Variants in KCNK9 observed in about 807,000 individuals in gnomAD.
KCNK9 encodes potassium channel subfamily K member 9.
KCNK9 carries 1 observed loss-of-function variant against 10.8 expected under a neutral mutation model. The ratio of observed to expected loss-of-function variants is 0.09; its 90% confidence interval spans 0.03 to 0.44. KCNK9 has a LOEUF of 0.44. Among genes scored for constraint, KCNK9 ranks in the 20% least tolerant of loss-of-function variants. KCNK9 has a pLI of 0.97. For missense variants in KCNK9, 303 were observed against 515.0 expected, an observed-to-expected ratio of 0.59 and a Z score of 3.98; for synonymous variants, 231 against 222.7, an observed-to-expected ratio of 1.04 and a Z score of -0.33.
chr8:139,663,816 GACA>G (rs1271569614), intron 1 of KCNK9, among the ~76,000 whole-genome samples: 8 of 152,138 alleles, frequency 5.3e-5, no homozygotes, highest in Non-Finnish European at 1.2e-4. Context: ...AAATGAGAGA[GACA>G]ACATTAGCAA....
At chr8:139,656,031 T>A (rs1017863032) in intron 1 of KCNK9, among the ~76,000 whole-genome samples, 2 of 152,184 alleles carry the variant, frequency 1.3e-5, no homozygotes, top group Admixed American at 6.5e-5. Context: ...CCCTCTAATC[T>A]ACACTCAGCC....
intron 1 of KCNK9, among the ~76,000 whole-genome samples, chr8:139,671,448 G>A (rs1020231871): frequency 1.4e-4 from 22 of 152,142 alleles, no homozygotes; most frequent in African/African-American, 4.1e-4. Flanking sequence ...GAGTCCCTGC[G>A]TGGCCAGCAT....
At chr8:139,633,055 G>C (rs1291912947) in intron 1 of KCNK9, among the ~76,000 whole-genome samples, 1 of 152,134 alleles carries the variant, frequency 6.6e-6, no homozygotes, top group East Asian at 1.9e-4. Flanking sequence ...GTAGCAGTGG[G>C]GCGATCTGGC....
chr8:139,700,538 A>ACG lies in KCNK9; in HGVS notation c.283+2170_283+2171dup, dbSNP rs1382780049. ...CGCGCGCGCACACACACACACACAC[A>ACG]CGCGCGCACACACACACACACACAC... On this transcript the variant is annotated intron_variant, in intron 1 of 1. Transcript: ENST00000520439. Among the ~76,000 whole-genome samples the ACG allele has an allele frequency of 4.3e-4, 51 of 119,854 alleles. 1 individual carries two copies. The South Asian group carries it at 0.01, about 24-fold the overall frequency. The allele number at this position is 119,854 out of a possible 152,430, so 78.6% of individuals were successfully genotyped here.
intron 1 of KCNK9, among the ~76,000 whole-genome samples, chr8:139,636,118 G>T (rs1217929109): frequency 2.6e-5 from 4 of 152,188 alleles, no homozygotes; most frequent in Admixed American, 6.5e-5. Flanking sequence ...GATTTGGGCT[G>T]GGCATTGCAG....
chr8:139,685,990 T>A (rs1472151069), intron 1 of KCNK9, among the ~76,000 whole-genome samples: 2 of 152,252 alleles, frequency 1.3e-5, no homozygotes, highest in Non-Finnish European at 2.9e-5. Flanking sequence ...TGGTGTGAGA[T>A]GGTATCTCAT....
At position 139,662,826 on chromosome 8, in the gene KCNK9, G is replaced by C. The variant is rs373069643; in HGVS notation, c.283+39884C>G. 2.7e-5 allele frequency among the ~76,000 whole-genome samples: 4 copies of C among 148,068 alleles called. No homozygotes were observed. In the East Asian group the frequency reaches 8.2e-4, roughly 30 times the overall value. ...CTAGTGAGGTGCGGGGGACAGGGGA[G>C]GGGGGTCAGGGAAAGGGGAGAAGGG... On this transcript the variant is annotated intron_variant, in intron 1 of 1. Transcript: ENST00000520439.
intron 1 of KCNK9, among the ~76,000 whole-genome samples, chr8:139,663,955 C>T (rs181841564): frequency 5.5e-4 from 84 of 152,292 alleles, no homozygotes; most frequent in African/African-American, 1.9e-3. Flanking sequence ...TGCGAAATAA[C>T]ACATCGGGGC....
intron 1 of KCNK9, among the ~76,000 whole-genome samples, chr8:139,660,167 C>T (rs1816115215): frequency 6.6e-6 from 1 of 152,096 alleles, no homozygotes; most frequent in African/African-American, 2.4e-5. Context: ...CACGTTGAGC[C>T]TCAACCTCTC....
At chr8:139,641,585 C>T (rs1324595241) in intron 1 of KCNK9, among the ~76,000 whole-genome samples, 1 of 151,962 alleles carries the variant, frequency 6.6e-6, no homozygotes, top group African/African-American at 2.4e-5. Context: ...CGGTGGGCCT[C>T]TCCAGAAGCT....
intron 1 of KCNK9, among the ~76,000 whole-genome samples, chr8:139,671,135 G>A (rs936603482): frequency 6.6e-6 from 1 of 152,232 alleles, no homozygotes; most frequent in African/African-American, 2.4e-5. Flanking sequence ...AGCAACCACA[G>A]GTCTGTCAAG....
chr8:139,615,356 TTGAG>T (rs1814553278), downstream of KCNK9, among the ~76,000 whole-genome samples: 1 of 152,184 alleles, frequency 6.6e-6, no homozygotes, highest in Non-Finnish European at 1.5e-5. Context: ...CTAATGCTGA[TTGAG>T]TGGTAGGAGT....
At chr8:139,619,210 A>ACTGGGGGAATTTC (rs1814699948) in intron 1 of KCNK9, 111 bp from the exon 2 acceptor site, 2 of 1,228,946 alleles carry the variant, frequency 1.6e-6, no homozygotes, top group Non-Finnish European at 2.3e-6. Context: ...GGGACCTGGT[A>ACTGGGGGAATTTC]CTGGGGGAAT....
intron 1 of KCNK9, among the ~76,000 whole-genome samples, chr8:139,629,484 CGTGGTCCAT>C (rs1338931261): frequency 1.3e-5 from 2 of 152,350 alleles, no homozygotes; most frequent in East Asian, 1.9e-4. Flanking sequence ...CCTAAACAAA[CGTGGTCCAT>C]GTGTACAACG....
At chr8:139,687,892 G>A (rs1014561049) in intron 1 of KCNK9, among the ~76,000 whole-genome samples, 17 of 151,470 alleles carry the variant, frequency 1.1e-4, no homozygotes, top group African/African-American at 4.1e-4. Context: ...ACCTCTTAAA[G>A]ATAAGTGTTC....
At chr8:139,624,670 C>G (rs778187702) in intron 1 of KCNK9, among the ~76,000 whole-genome samples, 16 of 152,178 alleles carry the variant, frequency 1.1e-4, no homozygotes, top group South Asian at 4.1e-4. Context: ...ACCAACCCCT[C>G]GAGTGGCAGC....
At chr8:139,670,482 C>G (rs1215285293) in intron 1 of KCNK9, among the ~76,000 whole-genome samples, 2 of 152,152 alleles carry the variant, frequency 1.3e-5, no homozygotes, top group Non-Finnish European at 2.9e-5. Context: ...ATAAAACAAG[C>G]CCTGCCTGTG....
At chr8:139,610,756 A>G (rs529070959), downstream of KCNK9, among the ~76,000 whole-genome samples, 26 of 152,362 alleles carry the variant, frequency 1.7e-4, no homozygotes, top group South Asian at 1.7e-3. Flanking sequence ...GGACCTTAAC[A>G]TAAACGAACT....
At chr8:139,671,850 C>T (rs902732016) in intron 1 of KCNK9, among the ~76,000 whole-genome samples, 3 of 152,186 alleles carry the variant, frequency 2.0e-5, no homozygotes, top group Admixed American at 1.3e-4. Context: ...TGTGAGCCAC[C>T]GCACCCGGCC....
Sources: allele counts gnomAD v4.1 joint callset (sites outside exome capture counted in the v4.1 genomes callset), GRCh38; gene constraint gnomAD v4.1.1; transcripts MANE v1.5; gene names NCBI Gene and HGNC (gene_info 2026-07-23, HGNC 2026-07-21).